FBXL7: variants seen among roughly 807,000 people sequenced by gnomAD.
FBXL7 encodes the protein F-box/LRR-repeat protein 7.
A neutral mutation model predicts 38.3 loss-of-function variants in FBXL7; 12 were observed. That is an observed-to-expected ratio of 0.31 (90% CI 0.20 to 0.51). The LOEUF (loss-of-function observed/expected upper bound fraction) is 0.51, where lower values mean the gene tolerates loss of function less well. Ranked by LOEUF, FBXL7 falls within the 20% of genes least tolerant of loss-of-function variation. The pLI, the probability that FBXL7 is intolerant of heterozygous loss-of-function variation, is 0.98. For missense variants in FBXL7, 567 were observed against 676.4 expected (o/e 0.84, Z 1.79); for synonymous variants, 297 against 300.9 (o/e 0.99, Z 0.13).
intron 2 of FBXL7, among the ~76,000 whole-genome samples, chr5:15,830,485 A>AACACACACACACAC (rs57825713): frequency 4.2e-5 from 6 of 144,190 alleles, no homozygotes; most frequent in African/African-American, 1.6e-4. Flanking sequence ...CTCCATCTAA[A>AACACACACACACAC]ACACACACAC....
chr5:15,599,688 G>A lies in FBXL7; in HGVS notation c.38-16295G>A, dbSNP rs750414822. ...GAGAAGCATTAAGGTAGCTTACTCA[G>A]GGCTCCCCCAGTTATTAAGGGAGTC... On this transcript the variant is annotated intron_variant, in intron 1 of 3. Transcript: ENST00000504595. Among the ~76,000 whole-genome samples the A allele has an allele frequency of 6.6e-4, 100 of 152,262 alleles. No individual in the cohort carries two copies. The Middle Eastern group carries it at 0.01, about 16-fold the overall frequency.
intron 1 of FBXL7, among the ~76,000 whole-genome samples, chr5:15,536,717 G>C (rs934999406): frequency 5.3e-5 from 8 of 152,192 alleles, no homozygotes; most frequent in Admixed American, 5.2e-4. Context: ...CCTTGGCTCA[G>C]ATGAGACCTT....
At chr5:15,622,810 T>C (rs1246957512) in intron 2 of FBXL7, among the ~76,000 whole-genome samples, 1 of 152,204 alleles carries the variant, frequency 6.6e-6, no homozygotes, top group African/African-American at 2.4e-5. Flanking sequence ...GTTCAAGCGA[T>C]TCTCCTGCTT....
intron 1 of FBXL7, among the ~76,000 whole-genome samples, chr5:15,567,754 AC>A (rs1379073325): frequency 7.1e-6 from 1 of 141,826 alleles, no homozygotes; most frequent in Non-Finnish European, 1.5e-5. Flanking sequence ...CCCTCACCCC[AC>A]CCCACAACAG....
chr5:15,660,711 C>T (rs1294250811), intron 2 of FBXL7, among the ~76,000 whole-genome samples: 1 of 152,118 alleles, frequency 6.6e-6, no homozygotes, highest in African/African-American at 2.4e-5. Context: ...TCCAGACTCC[C>T]ACTTAATCAT....
At chr5:15,926,176 T>C (rs1741872113) in intron 2 of FBXL7, among the ~76,000 whole-genome samples, 1 of 152,018 alleles carries the variant, frequency 6.6e-6, no homozygotes, top group Non-Finnish European at 1.5e-5. Flanking sequence ...TGTGGGTATA[T>C]GTATGTGTGT....
intron 2 of FBXL7, among the ~76,000 whole-genome samples, chr5:15,693,385 A>C (rs762495555): frequency 1.3e-5 from 2 of 152,122 alleles, no homozygotes; most frequent in Non-Finnish European, 2.9e-5. Context: ...TTCTTTTGGA[A>C]ATATTGGACA....
chr5:15,923,294 A>G (rs551479281), intron 2 of FBXL7, among the ~76,000 whole-genome samples: 2 of 152,324 alleles, frequency 1.3e-5, no homozygotes, highest in African/African-American at 2.4e-5. Flanking sequence ...GTCTTTCTAC[A>G]TTCTCTTCTG....
chr5:15,661,649 G>A (rs1742079337), intron 2 of FBXL7, among the ~76,000 whole-genome samples: 1 of 152,134 alleles, frequency 6.6e-6, no homozygotes, highest in African/African-American at 2.4e-5. Context: ...TCACACATGT[G>A]TGAAACCCAG....
At chr5:15,773,908 G>A (rs1476621499) in intron 2 of FBXL7, among the ~76,000 whole-genome samples, 1 of 152,104 alleles carries the variant, frequency 6.6e-6, no homozygotes, top group African/African-American at 2.4e-5. Context: ...GATCTGGAGA[G>A]CATAAATGTT....
chr5:15,791,122 A>T (rs1433800238), intron 2 of FBXL7, among the ~76,000 whole-genome samples: 1 of 152,030 alleles, frequency 6.6e-6, no homozygotes, highest in East Asian at 1.9e-4. Context: ...CTCCACCCTA[A>T]ATTGGGTATA....
chr5:15,582,204 G>T (rs768698126), intron 1 of FBXL7, among the ~76,000 whole-genome samples: 16 of 152,312 alleles, frequency 1.1e-4, no homozygotes, highest in Non-Finnish European at 1.8e-4. Context: ...CTCCCAGAGT[G>T]CTGGGATTAC....
intron 2 of FBXL7, among the ~76,000 whole-genome samples, chr5:15,878,640 C>T (rs1740313931): frequency 6.6e-6 from 1 of 152,122 alleles, no homozygotes; most frequent in Non-Finnish European, 1.5e-5. Flanking sequence ...TAATGGTGAC[C>T]CTTTTTATTA....
intron 1 of FBXL7, among the ~76,000 whole-genome samples, chr5:15,600,099 A>G (rs1455673258): frequency 2.6e-5 from 4 of 152,242 alleles, no homozygotes; most frequent in African/African-American, 9.6e-5. Flanking sequence ...TGTTCAAAAA[A>G]TGGCAGCATT....
At chr5:15,912,722 T>A (rs1741470536) in intron 2 of FBXL7, among the ~76,000 whole-genome samples, 1 of 151,970 alleles carries the variant, frequency 6.6e-6, no homozygotes, top group Non-Finnish European at 1.5e-5. Flanking sequence ...ATTAGGCCCA[T>A]GTTACTCCAC....
chr5:15,506,583 T>A (rs1447601359), intron 1 of FBXL7, among the ~76,000 whole-genome samples: 1 of 152,000 alleles, frequency 6.6e-6, no homozygotes, highest in East Asian at 1.9e-4. Context: ...ACAACAGAAA[T>A]TTGTTTCTTA....
chr5:15,860,435 G>A (rs993168066), intron 2 of FBXL7, among the ~76,000 whole-genome samples: 2 of 152,142 alleles, frequency 1.3e-5, no homozygotes, highest in African/African-American at 4.8e-5. Flanking sequence ...GAAGTCCAGT[G>A]CATCCAGGCT....
intron 2 of FBXL7, among the ~76,000 whole-genome samples, chr5:15,861,628 C>G (rs1739476641): frequency 6.6e-6 from 1 of 152,196 alleles, no homozygotes; most frequent in Non-Finnish European, 1.5e-5. Flanking sequence ...AAGATAGAAA[C>G]ACAGGCTTCT....
At chr5:15,796,779 A>G (rs911518016) in intron 2 of FBXL7, among the ~76,000 whole-genome samples, 3 of 152,178 alleles carry the variant, frequency 2.0e-5, no homozygotes, top group African/African-American at 7.2e-5. Flanking sequence ...TAAGGATTAC[A>G]GAATTCCTTC....
Sources: gnomAD v4.1 joint callset for allele counts (sites outside exome capture counted in the v4.1 genomes callset) on GRCh38, gnomAD v4.1.1 for gene constraint, MANE v1.5 for transcripts, NCBI Gene and HGNC (gene_info 2026-07-23, HGNC 2026-07-21) for gene names.